Variants in GMDS observed in about 807,000 individuals in gnomAD.
GMDS encodes the protein GDP-mannose 4,6-dehydratase, also known as GDP-mannose 4,6 dehydratase.
In GMDS, 20 loss-of-function variants were observed where a neutral mutation model predicts 49.9. The ratio of observed to expected loss-of-function variants is 0.40; its 90% CI spans 0.28 to 0.58. GMDS has a LOEUF of 0.58. Ranked by LOEUF, GMDS falls within the 20% of genes least tolerant of loss-of-function variation. GMDS has a pLI of 0.42. For synonymous variants in GMDS, 177 were observed against 178.6 expected (o/e 0.99, Z 0.07); for missense variants, 362 against 481.4 (o/e 0.75, Z 2.32).
At chr6:1,901,521 T>C (rs1165223090) in intron 7 of GMDS, among the ~76,000 whole-genome samples, 5 of 152,212 alleles carry the variant, frequency 3.3e-5, no homozygotes, top group Non-Finnish European at 5.9e-5. Flanking sequence ...TTCAGATCAG[T>C]TGAAGACCCC....
At chr6:2,073,329 G>T (rs1168740849) in intron 4 of GMDS, among the ~76,000 whole-genome samples, 1 of 152,202 alleles carries the variant, frequency 6.6e-6, no homozygotes, top group Non-Finnish European at 1.5e-5. Flanking sequence ...TTCAGAAAAT[G>T]ACACTCTGTT....
At chr6:1,743,460 G>A (rs1246409896) in intron 7 of GMDS, among the ~76,000 whole-genome samples, 1 of 148,186 alleles carries the variant, frequency 6.7e-6, no homozygotes, top group Non-Finnish European at 1.5e-5. Context: ...GGAGAATGGC[G>A]TGAACCCGGG....
At chr6:1,910,494 T>G (rs1760997581) in intron 7 of GMDS, among the ~76,000 whole-genome samples, 1 of 152,014 alleles carries the variant, frequency 6.6e-6, no homozygotes, top group Admixed American at 6.6e-5. Context: ...GAAAAAGTGT[T>G]CAAAAGATGA....
At chr6:1,997,353 C>CA (rs1197836410) in intron 4 of GMDS, among the ~76,000 whole-genome samples, 5 of 151,680 alleles carry the variant, frequency 3.3e-5, no homozygotes, top group Non-Finnish European at 7.4e-5. Context: ...ACTAAAAATA[C>CA]AAAAATTAGC....
chr6:1,922,169 G>A (rs1761747675), intron 7 of GMDS, among the ~76,000 whole-genome samples: 1 of 152,182 alleles, frequency 6.6e-6, no homozygotes. Flanking sequence ...TCTGCACGTA[G>A]TTACACAATG....
chr6:1,723,896 G>T (rs1766482599), intron 9 of GMDS, among the ~76,000 whole-genome samples: 1 of 152,046 alleles, frequency 6.6e-6, no homozygotes, highest in Non-Finnish European at 1.5e-5. Context: ...CTAGACCATT[G>T]GCTCTTGGGA....
At chr6:1,767,251 G>A (rs62390371) in intron 7 of GMDS, among the ~76,000 whole-genome samples, 31,037 of 151,200 alleles carry the variant, frequency 0.21, 4,006 homozygotes, top group African/African-American at 0.37. Context: ...TTTGTAAAAT[G>A]GCTAATTACA....
intron 7 of GMDS, among the ~76,000 whole-genome samples, chr6:1,885,052 G>A (rs1759536503): frequency 6.6e-6 from 1 of 152,180 alleles, no homozygotes; most frequent in Non-Finnish European, 1.5e-5. Context: ...TAAGCAATCT[G>A]GCACCTCTCC....
In GMDS at chr6:2,115,891, C is replaced by CA; in HGVS notation, c.236-12dup. The stretch of plus-strand genomic sequence containing the variant: ...AGTGCAACTTCATGTCTTCAGGATA[C>CA]AAAAACATCCCATTAGATAGAGAAA... On this transcript the variant is annotated splice_polypyrimidine_tract_variant and intron_variant, in intron 3 of 10. Coordinates refer to ENST00000380815, the MANE Select transcript of GMDS (RefSeq NM_001500.4). 1 of 1,388,968 alleles carries CA rather than the reference C, an allele frequency of 7.2e-7. No homozygotes were observed. Among genetic ancestry groups the CA allele is most frequent in the South Asian group, 1.2e-5 (1 of 86,174 alleles). 86.0% of individuals were successfully genotyped at this position (1,388,968 alleles called of 1,614,324 possible).
chr6:1,685,073 G>A (rs1269668237), intron 9 of GMDS, among the ~76,000 whole-genome samples: 2 of 150,550 alleles, frequency 1.3e-5, no homozygotes, highest in Non-Finnish European at 2.9e-5. Flanking sequence ...ATTAACACTT[G>A]TAAAGCACCT....
intron 4 of GMDS, among the ~76,000 whole-genome samples, chr6:2,056,053 AT>A (rs1220318022): frequency 1.3e-5 from 2 of 152,180 alleles, no homozygotes; most frequent in Non-Finnish European, 2.9e-5. Context: ...ATAAGATTTT[AT>A]TTTATGCACC....
chr6:2,079,709 A>G (rs1772560216), intron 4 of GMDS, among the ~76,000 whole-genome samples: 1 of 152,070 alleles, frequency 6.6e-6, no homozygotes, highest in East Asian at 1.9e-4. Flanking sequence ...CTGACTAGGC[A>G]CTTTTCTCTT....
intron 7 of GMDS, among the ~76,000 whole-genome samples, chr6:1,754,567 C>T (rs971489095): frequency 1.3e-5 from 2 of 152,076 alleles, no homozygotes; most frequent in African/African-American, 4.8e-5. Context: ...CTTGGTGAGA[C>T]ACAACAAAAA....
At chr6:1,738,379 T>C (rs1290996581) in intron 8 of GMDS, among the ~76,000 whole-genome samples, 2 of 152,242 alleles carry the variant, frequency 1.3e-5, no homozygotes, top group South Asian at 2.1e-4. Context: ...TAATGTGCTA[T>C]TTTCTAATAA....
chr6:1,836,427 C>A lies in GMDS; in HGVS notation c.771+93676G>T, dbSNP rs563758420. 4.5e-4 allele frequency among the ~76,000 whole-genome samples: 69 copies of A among 152,220 alleles called. No individual in the cohort carries two copies. Among genetic ancestry groups the A allele is most frequent in the African/African-American group, 1.5e-3 (62 of 41,536 alleles). ...TAAACTGAAAAAGGCATTTGTGTTG[C>A]CTGTTCTAATTTGTTTATGGTTGGA... On this transcript the variant is annotated intron_variant, in intron 7 of 10. Transcript: ENST00000380815. The surrounding 1 kb of genome is among the most constrained non-coding windows in gnomAD (Gnocchi z 4.2).
At chr6:2,199,969 A>G (rs551843588) in intron 1 of GMDS, among the ~76,000 whole-genome samples, 1 of 152,380 alleles carries the variant, frequency 6.6e-6, no homozygotes, top group East Asian at 1.9e-4. Context: ...ATTCCATACC[A>G]TAGCAAATTA....
At chr6:2,177,242 A>G (rs1001243429) in intron 1 of GMDS, among the ~76,000 whole-genome samples, 3 of 152,202 alleles carry the variant, frequency 2.0e-5, no homozygotes, top group African/African-American at 7.2e-5. Flanking sequence ...GTTAAAGCAG[A>G]TGGGTCTGCA....
intron 6 of GMDS, 170 bp downstream of exon 6, chr6:1,959,696 CA>C (rs1476969949): frequency 2.5e-6 from 1 of 400,120 alleles, no homozygotes; most frequent in Non-Finnish European, 4.5e-6. Context: ...AATAAAATTA[CA>C]AAAAACTAAG....
chr6:1,724,560 G>A (rs553791880), intron 9 of GMDS, among the ~76,000 whole-genome samples: 1 of 152,312 alleles, frequency 6.6e-6, no homozygotes, highest in South Asian at 2.1e-4. Flanking sequence ...CATTTAAGTT[G>A]TAAAAATTGA....
Sources: gnomAD v4.1 joint callset for allele counts (sites outside exome capture counted in the v4.1 genomes callset) on GRCh38, gnomAD v4.1.1 for gene constraint, Gnocchi (gnomAD v3.1) non-coding constraint, MANE v1.5 for transcripts, NCBI Gene and HGNC (gene_info 2026-07-23, HGNC 2026-07-21) for gene names.